The following HMGCLL1 variants were observed in gnomAD, a reference collection of about 807,000 sequenced individuals.
HMGCLL1 encodes 3-hydroxymethyl-3-methylglutaryl-CoA lyase, cytoplasmic.
A neutral mutation model predicts 39.1 loss-of-function variants in HMGCLL1; 36 were observed. That is an observed-to-expected ratio of 0.92 (90% CI 0.71 to 1.22). The LOEUF (loss-of-function observed/expected upper bound fraction) is 1.22. Among genes scored for constraint, HMGCLL1 ranks in the 50% most tolerant of loss-of-function variants. HMGCLL1 has a pLI of 0.00. For missense variants in HMGCLL1, 451 were observed against 416.5 expected, an observed-to-expected ratio of 1.08 and a Z score of -0.72; for synonymous variants, 149 against 144.0, an observed-to-expected ratio of 1.03 and a Z score of -0.25.
chr6:55,436,762 T>A (rs1230571330), intron 8 of HMGCLL1, among the ~76,000 whole-genome samples: 1 of 152,026 alleles, frequency 6.6e-6, no homozygotes, highest in Non-Finnish European at 1.5e-5. Flanking sequence ...ATTTTAGAAA[T>A]TGGAGACATT....
intron 4 of HMGCLL1, 41 bp downstream of exon 4, chr6:55,516,467 A>C: frequency 1.6e-6 from 2 of 1,240,228 alleles, no homozygotes; most frequent in Non-Finnish European, 2.3e-6. Context: ...TTAAAACGAT[A>C]AGAGGCCTAT....
the HMGCLL1 span, among the ~76,000 whole-genome samples, chr6:55,590,831 G>C: frequency 6.6e-6 from 1 of 151,940 alleles, no homozygotes; most frequent in Admixed American, 6.6e-5. Flanking sequence ...TGTCATGCCA[G>C]TTCTCCAAGG....
At chr6:55,597,344 A>G in the HMGCLL1 span, among the ~76,000 whole-genome samples, 1 of 152,134 alleles carries the variant, frequency 6.6e-6, no homozygotes, top group Non-Finnish European at 1.5e-5. Flanking sequence ...GCTAAAGCAT[A>G]TTGAAAGAAA....
the HMGCLL1 span, among the ~76,000 whole-genome samples, chr6:55,608,455 G>A: frequency 6.6e-6 from 1 of 151,856 alleles, no homozygotes; most frequent in Non-Finnish European, 1.5e-5. Context: ...GCATTTTTCA[G>A]TTAAAGTTCC....
chr6:55,664,791 T>C, the HMGCLL1 span, among the ~76,000 whole-genome samples: 1 of 151,820 alleles, frequency 6.6e-6, no homozygotes, highest in East Asian at 2.0e-4. Flanking sequence ...ACACTTCCAA[T>C]CTCACTCACA....
intron 7 of HMGCLL1, among the ~76,000 whole-genome samples, chr6:55,487,763 C>G (rs1766110000): frequency 6.6e-6 from 1 of 151,996 alleles, no homozygotes; most frequent in Non-Finnish European, 1.5e-5. Context: ...TTCTCTAACA[C>G]AAAGCGTTAA....
chr6:55,602,153 C>A, the HMGCLL1 span, among the ~76,000 whole-genome samples: 2 of 152,034 alleles, frequency 1.3e-5, no homozygotes, highest in African/African-American at 4.8e-5. Flanking sequence ...GTCAAATAAT[C>A]TAATCAGCAG....
chr6:55,570,089 C>A (rs1348289450), intron 1 of HMGCLL1, among the ~76,000 whole-genome samples: 2 of 152,190 alleles, frequency 1.3e-5, no homozygotes, highest in African/African-American at 4.8e-5. Context: ...GAGATTTACT[C>A]ACTTGATAAG....
chr6:55,662,094 T>A, the HMGCLL1 span, among the ~76,000 whole-genome samples: 1 of 151,960 alleles, frequency 6.6e-6, no homozygotes, highest in Admixed American at 6.6e-5. Context: ...GGGGTTGAGA[T>A]CACGAAGTTT....
the HMGCLL1 span, among the ~76,000 whole-genome samples, chr6:55,594,442 T>C: frequency 6.6e-6 from 1 of 152,134 alleles, no homozygotes; most frequent in Non-Finnish European, 1.5e-5. Context: ...GTGAGTTAAG[T>C]CAACCTTCAC....
the HMGCLL1 span, among the ~76,000 whole-genome samples, chr6:55,606,697 T>C: frequency 2.6e-5 from 4 of 152,092 alleles, no homozygotes; most frequent in Non-Finnish European, 5.9e-5. Context: ...AATTCCCTCA[T>C]ATATATATTT....
At chr6:55,458,901 C>A (rs1277938274) in intron 7 of HMGCLL1, among the ~76,000 whole-genome samples, 3 of 152,078 alleles carry the variant, frequency 2.0e-5, no homozygotes, top group African/African-American at 7.2e-5. Flanking sequence ...TGATACGAAG[C>A]CATTAACAAA....
Position 55,439,470 on chromosome 6 carries a change from A to G in HMGCLL1, c.885T>C (p.Asp295=). 6.2e-7 allele frequency: 1 copy of G among 1,612,834 alleles called. No homozygotes were observed. The highest frequency in any genetic ancestry group is 8.5e-7 in the Non-Finnish European group (1 of 1,179,170). Residue 295 remains aspartate (D), a synonymous_variant, in exon 8 of 9, where the codon GAT becomes GAC. Coordinates refer to ENST00000274901, the MANE Select transcript of HMGCLL1 (RefSeq NM_001042406.2). The part of the protein sequence containing the change: ...KGASGNVATE[D]LIYMLNGLGL... ...CCAGGCCATTAAGCATATATATCAAATCCTCAGTGGCTACATTCCCAGAAG... is the reference window on the plus strand; with the variant it reads ...CCAGGCCATTAAGCATATATATCAAGTCCTCAGTGGCTACATTCCCAGAAG...
At chr6:55,471,068 T>C (rs917330320) in intron 7 of HMGCLL1, among the ~76,000 whole-genome samples, 5 of 150,572 alleles carry the variant, frequency 3.3e-5, no homozygotes, top group Non-Finnish European at 5.9e-5. Flanking sequence ...CTTCATCGAA[T>C]GACCCCTCTG....
At chr6:55,461,932 A>G (rs1239709070) in intron 7 of HMGCLL1, among the ~76,000 whole-genome samples, 2 of 152,152 alleles carry the variant, frequency 1.3e-5, no homozygotes, top group African/African-American at 4.8e-5. Context: ...ATAAAAAAGA[A>G]TATAATTCAG....
chr6:55,497,543 C>A (rs938945424), intron 6 of HMGCLL1, among the ~76,000 whole-genome samples: 2 of 151,828 alleles, frequency 1.3e-5, no homozygotes, highest in African/African-American at 4.8e-5. Context: ...TATTACAGAT[C>A]CTGAAGTCAA....
chr6:55,497,663 G>T (rs1237824135), intron 6 of HMGCLL1, among the ~76,000 whole-genome samples: 4 of 152,116 alleles, frequency 2.6e-5, no homozygotes, highest in Non-Finnish European at 5.9e-5. Flanking sequence ...AAAGGAAATT[G>T]ACCTGGATCT....
chr6:55,464,938 A>G (rs1006740749), intron 7 of HMGCLL1, among the ~76,000 whole-genome samples: 2 of 152,180 alleles, frequency 1.3e-5, no homozygotes, highest in African/African-American at 4.8e-5. Context: ...TTGATCATCA[A>G]CTTTCACGAA....
the HMGCLL1 span, among the ~76,000 whole-genome samples, chr6:55,677,330 A>G: frequency 6.6e-6 from 1 of 152,140 alleles, no homozygotes; most frequent in Admixed American, 6.5e-5. Flanking sequence ...TCGAGGCTGC[A>G]GTGAGCCTTG....
Sources: allele counts gnomAD v4.1 joint callset (sites outside exome capture counted in the v4.1 genomes callset), GRCh38; gene constraint gnomAD v4.1.1; transcripts MANE v1.5; gene names NCBI Gene and HGNC (gene_info 2026-07-23, HGNC 2026-07-21).